The following GCSAML variants were observed in gnomAD, a reference collection of about 807,000 sequenced individuals.
The protein encoded by GCSAML is germinal center associated signaling and motility like, also known as germinal center-associated signaling and motility-like protein.
Under a neutral mutation model 13.0 loss-of-function variants are expected in GCSAML, and 9 were observed. That is an observed-to-expected ratio of 0.69 (90% confidence interval 0.42 to 1.21). The LOEUF (loss-of-function observed/expected upper bound fraction) is 1.21, where lower values mean the gene tolerates loss of function less well. Among genes scored for constraint, GCSAML ranks in the 50% most tolerant of loss-of-function variants. GCSAML has a pLI of 0.00. For missense variants in GCSAML, 143 were observed against 153.4 expected (o/e 0.93, Z 0.36); for synonymous variants, 37 against 52.9 (o/e 0.70, Z 1.31).
chr1:247,534,305 T>C (rs1667130025), intron 2 of GCSAML, among the ~76,000 whole-genome samples: 3 of 152,214 alleles, frequency 2.0e-5, no homozygotes, highest in Admixed American at 1.3e-4. Flanking sequence ...AGTAGTCCCT[T>C]AATCAATATT....
intron 1 of GCSAML, among the ~76,000 whole-genome samples, chr1:247,553,748 G>A (rs1024443581): frequency 9.9e-5 from 15 of 152,192 alleles, no homozygotes; most frequent in African/African-American, 3.6e-4. Context: ...TTACAGGCCT[G>A]CACCACTGCA....
chr1:247,551,128 C>G (rs1467352696), intron 1 of GCSAML, among the ~76,000 whole-genome samples: 2 of 152,142 alleles, frequency 1.3e-5, no homozygotes, highest in Non-Finnish European at 2.9e-5. Flanking sequence ...AAGGCAGGTG[C>G]TAATGTGTTC....
chr1:247,566,078 A>C, intron 4 of GCSAML, 119 bp downstream of exon 4: 1 of 625,530 alleles, frequency 1.6e-6, no homozygotes, highest in Non-Finnish European at 2.6e-6. Context: ...CTTTATTTGT[A>C]ATTTCTAAAT....
rs1385851728 is a variant in GCSAML at position 247,526,201 on chromosome 1, C to T, written c.-262-739C>T. ...GCCAAGAAATCTTGAGCCTGCTATT[C>T]CCTGGGTTAGTTTCTGAATTCTTGC... On this transcript the variant is annotated intron_variant, in intron 1 of 5. Coordinates refer to the GCSAML transcript ENST00000366489. The surrounding 1 kb of genome is among the most constrained non-coding windows in gnomAD (Gnocchi z 4.8). 6.6e-6 allele frequency: 1 copy of T among 152,156 alleles called. No individual in the cohort carries two copies. The highest frequency in any genetic ancestry group is 1.5e-5 in the Non-Finnish European group (1 of 68,036). The allele number at this position is 152,156 out of a possible 1,614,324, so 9.4% of individuals were successfully genotyped here. A position where few individuals can be genotyped will look rare whatever the true frequency, so the allele number is the denominator to read the frequency against.
upstream of GCSAML, among the ~76,000 whole-genome samples, chr1:247,546,370 A>T (rs1377290650): frequency 2.0e-5 from 3 of 151,516 alleles, no homozygotes; most frequent in Non-Finnish European, 4.4e-5. Context: ...ATTTATTTTT[A>T]TTTTTTTGAG....
intron 4 of GCSAML, among the ~76,000 whole-genome samples, chr1:247,568,379 A>T (rs1056635235): frequency 6.6e-6 from 1 of 152,166 alleles, no homozygotes; most frequent in African/African-American, 2.4e-5. Context: ...GTCCAGTTTC[A>T]GTTTTCTGCA....
chr1:247,518,081 C>T (rs1666278099), intron 1 of GCSAML, among the ~76,000 whole-genome samples: 1 of 152,226 alleles, frequency 6.6e-6, no homozygotes, highest in South Asian at 2.1e-4. Flanking sequence ...CGCAGCTTCT[C>T]CCAAGTGCTA....
chr1:247,574,149 G>A lies in GCSAML; in HGVS notation c.175G>A (p.Glu59Lys), dbSNP rs1359593083. The change falls in exon 5 of 5, where the codon GAG (glutamate) becomes AAG (lysine). Residue 59 changes from glutamate (E) to lysine (K), a missense_variant. Coordinates refer to ENST00000366488, the MANE Select transcript of GCSAML (RefSeq NM_145278.5). ...TTCTCTTTGTGCTTGGCAGGAAAAC[G>A]AGAATGGCAGTGGTTCTGAAGAAGT... The part of the protein sequence containing the change: ...EVSSTSNQEN[E>K]NGSGSEEVCY... 8 of 1,613,758 alleles carry A rather than the reference G, an allele frequency of 5.0e-6. No individual in the cohort carries two copies. Among genetic ancestry groups the A allele is most frequent in the East Asian group, 2.2e-5 (1 of 44,888 alleles).
In GCSAML at chr1:247,539,428, C is replaced by T. The variant is rs1372454897; in HGVS notation, c.-147-9617C>T. On this transcript the variant is annotated intron_variant, in intron 2 of 5. Transcript: ENST00000366489. ...TAGCTTGAACTGGACAAGAGTTGAC[C>T]CTCGTTCCTGAAAAGAACTTAAGCA... 2.6e-5 allele frequency among the ~76,000 whole-genome samples: 4 copies of T among 152,124 alleles called. No homozygotes were observed. The South Asian group carries it at 6.2e-4, about 24-fold the overall frequency.
intron 1 of GCSAML, among the ~76,000 whole-genome samples, chr1:247,508,453 T>C (rs535745509): frequency 2.0e-5 from 3 of 152,230 alleles, no homozygotes; most frequent in Admixed American, 1.3e-4. Context: ...TCTGCCATTC[T>C]GTAGGTTGCC....
upstream of GCSAML, among the ~76,000 whole-genome samples, chr1:247,546,051 G>A (rs1465110238): frequency 6.6e-6 from 1 of 152,212 alleles, no homozygotes; most frequent in Non-Finnish European, 1.5e-5. Context: ...ATAAATGTAC[G>A]CATATGTCCA....
intron 1 of GCSAML, among the ~76,000 whole-genome samples, chr1:247,510,837 T>C (rs1666012238): frequency 6.6e-6 from 1 of 152,240 alleles, no homozygotes; most frequent in Non-Finnish European, 1.5e-5. Context: ...TGAGTTCTAA[T>C]TTGATTGCAC....
chr1:247,565,904 CTTTTTTTT>C lies in GCSAML; in HGVS notation c.140-18_140-11del, dbSNP rs367904043. On this transcript the variant is annotated intron_variant, in intron 3 of 4. Transcript: ENST00000366488. ...AGTCTCACAGTGCTTTCCTTTCTTT[CTTTTTTTT>C]TTTTTTTTAATTCTCCAGGCCAAGA... 1 of 1,108,848 alleles carries C rather than the reference CTTTTTTTT, an allele frequency of 9.0e-7. No individual in the cohort carries two copies. Among genetic ancestry groups the C allele is most frequent in the Admixed American group, 2.9e-5 (1 of 34,364 alleles). 68.7% of individuals were successfully genotyped at this position (1,108,848 alleles called of 1,614,324 possible). A position where few individuals can be genotyped will look rare whatever the true frequency, so the allele number is the denominator to read the frequency against.
rs755297878 is a variant in GCSAML at position 247,531,928 on chromosome 1, A to C, written c.-148+4874A>C. 3.1e-5 allele frequency: 50 copies of C among 1,614,078 alleles called. No individual in the cohort carries two copies. The South Asian group carries it at 3.6e-4, about 12-fold the overall frequency. ...GGCCAGGTACATCTCCATCTCATTG[A>C]GGCTGGTATCCACACAAGCCAGTTG... On this transcript the variant is annotated intron_variant, in intron 2 of 5. Transcript: ENST00000366489.
chr1:247,532,652 C>A, intron 2 of GCSAML: 1 of 856,512 alleles, frequency 1.2e-6, no homozygotes, highest in Admixed American at 2.9e-5. Context: ...TTTAGAGACA[C>A]AATTTCACTG....
chr1:247,521,380 T>G (rs1175278104), intron 1 of GCSAML, among the ~76,000 whole-genome samples: 1 of 150,366 alleles, frequency 6.7e-6, no homozygotes, highest in Admixed American at 6.6e-5. Flanking sequence ...TCCCTCTCCC[T>G]CTCCACGGTC....
At chr1:247,546,386 T>C (rs1278649448), upstream of GCSAML, among the ~76,000 whole-genome samples, 3 of 151,926 alleles carry the variant, frequency 2.0e-5, no homozygotes, top group African/African-American at 7.3e-5. Context: ...TTGAGACGAG[T>C]CTCGCTCTGT....
chr1:247,565,460 C>A (rs1668312206), intron 3 of GCSAML, among the ~76,000 whole-genome samples: 1 of 151,986 alleles, frequency 6.6e-6, no homozygotes, highest in Non-Finnish European at 1.5e-5. Context: ...TTGTGTGTAA[C>A]TTGAAATAGT....
intron 2 of GCSAML, among the ~76,000 whole-genome samples, chr1:247,537,293 A>G (rs757206001): frequency 1.3e-5 from 2 of 152,220 alleles, no homozygotes; most frequent in Admixed American, 6.5e-5. Flanking sequence ...TGTAGCGTGT[A>G]TCAGTACTTC....
Sources: allele counts gnomAD v4.1 joint callset (sites outside exome capture counted in the v4.1 genomes callset), GRCh38; gene constraint gnomAD v4.1.1; non-coding constraint Gnocchi (gnomAD v3.1); transcripts MANE v1.5; gene names NCBI Gene and HGNC (gene_info 2026-07-23, HGNC 2026-07-21).